The following WDFY3 variants were observed in gnomAD, a reference collection of about 807,000 sequenced individuals.
WDFY3 encodes WD repeat and FYVE domain-containing protein 3.
Under a neutral mutation model 409.6 loss-of-function variants are expected in WDFY3, and 66 were observed. The ratio of observed to expected loss-of-function variants is 0.16; its 90% CI spans 0.13 to 0.20. The LOEUF is 0.20. Among genes scored for constraint, WDFY3 ranks in the 10% least tolerant of loss-of-function variants. The pLI is 1.00. For synonymous variants in WDFY3, 1,521 were observed against 1,537.1 expected, an observed-to-expected ratio of 0.99 and a Z score of 0.25; for missense variants, 3,031 against 4,298.1, an observed-to-expected ratio of 0.71 and a Z score of 8.24.
rs187018083 is a variant in WDFY3, at chr4:84,820,404, G to A, written c.1592-218C>T. Among the ~76,000 whole-genome samples the A allele has an allele frequency of 2.2e-3, 335 of 152,022 alleles. 2 individuals carry two copies. Among genetic ancestry groups the A allele is most frequent in the Non-Finnish European group, 4.1e-3 (281 of 67,926 alleles). ...ATTTTATTTCGGTATGCTTGCAAGT[G>A]GCCGTTATCCAATAAATATTAAAAA... On this transcript the variant is annotated intron_variant, in intron 11 of 67. Transcript: ENST00000295888.
chr4:84,843,507 G>A (rs777727762), intron 5 of WDFY3, among the ~76,000 whole-genome samples: 8 of 152,072 alleles, frequency 5.3e-5, no homozygotes, highest in East Asian at 3.9e-4. Context: ...CAATCCCTCC[G>A]CCTCAGTCCC....
intron 21 of WDFY3, among the ~76,000 whole-genome samples, chr4:84,793,617 T>C (rs1748883949): frequency 6.6e-6 from 1 of 152,144 alleles, no homozygotes; most frequent in Non-Finnish European, 1.5e-5. Flanking sequence ...AGAGAAATAG[T>C]GAGTATTCTC....
chr4:84,726,794 A>AC (rs1425643538), intron 45 of WDFY3, 67 bp downstream of exon 45: 1 of 1,498,926 alleles, frequency 6.7e-7, no homozygotes, highest in Non-Finnish European at 9.1e-7. Flanking sequence ...CACTTAAAAA[A>AC]AAAACCAGAA....
At chr4:84,918,828 GATATATAT>G (rs139610468) in intron 2 of WDFY3, among the ~76,000 whole-genome samples, 1 of 145,474 alleles carries the variant, frequency 6.9e-6, no homozygotes, top group East Asian at 2.0e-4. Flanking sequence ...TATATATATA[GATATATAT>G]ATACACACAC....
intron 3 of WDFY3, among the ~76,000 whole-genome samples, chr4:84,873,069 A>T (rs1022147042): frequency 3.3e-5 from 5 of 152,216 alleles, no homozygotes; most frequent in Non-Finnish European, 7.3e-5. Flanking sequence ...AAAGAGACAA[A>T]TTGATTATTG....
rs1258613739 is a variant in WDFY3 at position 84,679,229 on chromosome 4, T to C, written c.9837A>G (p.Gln3279=). 1.9e-6 allele frequency: 3 copies of C among 1,539,700 alleles called. No individual in the cohort carries two copies. The highest frequency in any genetic ancestry group is 2.3e-5 in the East Asian group (1 of 42,564). The change falls in exon 65 of 68, where the codon CAA becomes CAG. Residue 3279 remains glutamine, a synonymous_variant. Transcript: ENST00000295888. ...CTTCTGAATCACTGCTGTCCTCGTC[T>C]TGGGCTTCCTGCCCTGGGTGAAGCA... is the stretch of plus-strand genomic sequence containing the variant. ...CPEAQIGQEA[Q]DEDSSDSEAD... is the part of the protein sequence containing the mutation.
chr4:84,964,116 T>C (rs1388103647), intron 1 of WDFY3, among the ~76,000 whole-genome samples: 1 of 152,194 alleles, frequency 6.6e-6, no homozygotes, highest in African/African-American at 2.4e-5. Context: ...AGCAAATATA[T>C]GCTATATTCT....
chr4:84,796,677 A>C lies in WDFY3; in HGVS notation c.3011T>G (p.Ile1004Arg), dbSNP rs1034243278. ...CGCAGATTTTACCAGGCTCTTGCTT[A>C]TCCGGTAATGGTTATCTTCATGTAA... is the stretch of plus-strand genomic sequence containing the variant. The part of the protein sequence containing the change: ...FSLHEDNHYR[I>R]SKSLVKSAEG... Residue 1004 changes from isoleucine (I) to arginine (R), a missense_variant, in exon 19 of 68, where the codon ATA becomes AGA. Physicochemically the swap from Ile to Arg is moderately conservative, Grantham distance 97. This residue lies in a region of WDFY3 where 1,322 missense variants were observed against 1,697.9 expected (regional missense o/e 0.78). Transcript: ENST00000295888. 4.3e-6 allele frequency: 7 copies of C among 1,614,166 alleles called. No homozygotes were observed. Among genetic ancestry groups the C allele is most frequent in the Non-Finnish European group, 5.9e-6 (7 of 1,180,018 alleles).
chr4:84,732,518 C>T (rs1736770349), intron 44 of WDFY3, among the ~76,000 whole-genome samples: 1 of 152,122 alleles, frequency 6.6e-6, no homozygotes, highest in Non-Finnish European at 1.5e-5. Context: ...ACCCTTTGAC[C>T]AACATCTCCC....
chr4:84,805,368 T>TA (rs1237475689), intron 15 of WDFY3, among the ~76,000 whole-genome samples: 1 of 152,146 alleles, frequency 6.6e-6, no homozygotes, highest in African/African-American at 2.4e-5. Context: ...AAAAAGGAAT[T>TA]ACATTCATTG....
intron 3 of WDFY3, among the ~76,000 whole-genome samples, chr4:84,863,421 G>A (rs1302151654): frequency 1.3e-5 from 2 of 152,112 alleles, no homozygotes; most frequent in African/African-American, 2.4e-5. Flanking sequence ...CACTCTAACA[G>A]GTGTGAGGGG....
At chr4:84,681,142 C>G (rs1017100761) in intron 64 of WDFY3, among the ~76,000 whole-genome samples, 14 of 152,172 alleles carry the variant, frequency 9.2e-5, no homozygotes, top group Admixed American at 2.0e-4. Context: ...CCACAAATCT[C>G]ACCACTTCTA....
At chr4:84,858,578 G>T (rs545553097) in intron 4 of WDFY3, among the ~76,000 whole-genome samples, 7 of 151,990 alleles carry the variant, frequency 4.6e-5, no homozygotes, top group South Asian at 2.1e-4. Flanking sequence ...TATTCTCAAA[G>T]AAATATTTCA....
At chr4:84,804,654 C>G (rs1751214779) in intron 15 of WDFY3, among the ~76,000 whole-genome samples, 1 of 152,078 alleles carries the variant, frequency 6.6e-6, no homozygotes, top group African/African-American at 2.4e-5. Context: ...CAACAGTTAT[C>G]CTCCTCCTAT....
intron 26 of WDFY3, 113 bp from the exon 27 acceptor site, chr4:84,778,768 C>T (rs1746002306): frequency 3.2e-6 from 3 of 948,892 alleles, no homozygotes; most frequent in Non-Finnish European, 4.4e-6. Context: ...CAAACACACA[C>T]ATACACACAG....
intron 15 of WDFY3, among the ~76,000 whole-genome samples, chr4:84,807,454 C>T (rs115926910): frequency 6.6e-6 from 1 of 152,202 alleles, no homozygotes; most frequent in African/African-American, 2.4e-5. Flanking sequence ...TTTTGATGTA[C>T]TAACTCCAAC....
At chr4:84,677,084 A>G (rs112063318) in intron 67 of WDFY3, 115 bp downstream of exon 67, 3 of 1,213,362 alleles carry the variant, frequency 2.5e-6, no homozygotes, top group African/African-American at 1.5e-5. Context: ...GGTTCATACC[A>G]ACAAGGCATA....
intron 17 of WDFY3, among the ~76,000 whole-genome samples, chr4:84,800,669 T>G (rs1750359734): frequency 6.6e-6 from 1 of 152,128 alleles, no homozygotes; most frequent in African/African-American, 2.4e-5. Context: ...CAGGGAGCGG[T>G]TTTGTGGAAG....
chr4:84,726,558 ATT>A (rs1462944677), intron 45 of WDFY3, among the ~76,000 whole-genome samples: 1 of 152,168 alleles, frequency 6.6e-6, no homozygotes, highest in Non-Finnish European at 1.5e-5. Context: ...ATGCCTCATA[ATT>A]TGTTAGTTTA....
Sources: allele counts gnomAD v4.1 joint callset (sites outside exome capture counted in the v4.1 genomes callset), GRCh38; gene constraint gnomAD v4.1.1; regional missense constraint gnomAD v4.1.1; transcripts MANE v1.5; gene names NCBI Gene and HGNC (gene_info 2026-07-23, HGNC 2026-07-21).